CCDC87: variants seen among roughly 807,000 people sequenced by gnomAD.
The protein encoded by CCDC87 is coiled-coil domain containing 87.
For missense variants in CCDC87, 1,072 were observed against 1,041.7 expected (o/e 1.03, Z -0.40); for synonymous variants, 434 against 440.2 (o/e 0.99, Z 0.18).
rs1318657927 is a variant in CCDC87 at position 66,590,687 on chromosome 11, T to G, written c.2329A>C (p.Asn777His). 1 of 1,613,962 alleles carries G rather than the reference T, an allele frequency of 6.2e-7. No individual in the cohort carries two copies. Among genetic ancestry groups the G allele is most frequent in the Non-Finnish European group, 8.5e-7 (1 of 1,179,956 alleles). The stretch of plus-strand genomic sequence containing the variant: ...GAAACCAAAGAAGACTCCATTAAGT[T>G]GAGCTTCCTGTGGAGATGGCTTCGG... ...QVRSHLHRKL[N>H]LMESSLVSLL... is the part of the protein sequence containing the mutation. Residue 777 changes from asparagine (N) to histidine (H), a missense_variant, in exon 1 of 1, where the codon AAC (asparagine) becomes CAC (histidine). By Grantham distance (68) the Asn-to-His change is moderately conservative. Transcript: ENST00000333861.
At position 66,591,900 on chromosome 11, in the gene CCDC87, T is replaced by A; in HGVS notation, c.1116A>T (p.Pro372=). ...GAGGAGGCAGGCCTGAGTCCAGTGG[T>A]GGGTAGCGAGTCCCCTCCAACTTCA... is the stretch of plus-strand genomic sequence containing the variant. ...KKMKLEGTRY[P]PLDSGLPPLL... Residue 372 remains proline (P), a synonymous_variant, in exon 1 of 1, where the codon CCA becomes CCT. Transcript: ENST00000333861. 1 of 1,613,904 alleles carries A rather than the reference T, an allele frequency of 6.2e-7. No individual in the cohort carries two copies. Among genetic ancestry groups the A allele is most frequent in the South Asian group, 1.1e-5 (1 of 91,080 alleles).
chr11:66,591,169 T>C lies in CCDC87; in HGVS notation c.1847A>G (p.His616Arg), dbSNP rs1445102600. The change falls in exon 1 of 1, where the codon CAT (histidine) becomes CGT (arginine). Residue 616 changes from histidine (H) to arginine (R), a missense_variant. Transcript: ENST00000333861. The stretch of plus-strand genomic sequence containing the variant: ...AATCTCCACAGGAACCTCTTCTTCA[T>C]GCATTTGAAAGATGACATGAAGGAA... ...TDFLHVIFQM[H>R]EEEVPVEIVA... 1.9e-6 allele frequency: 3 copies of C among 1,614,222 alleles called. No individual in the cohort carries two copies. The highest frequency in any genetic ancestry group is 3.3e-5 in the Admixed American group (2 of 60,032).
Position 66,592,110 on chromosome 11 carries a change from G to GA in CCDC87, c.905dup (p.Cys303LeufsTer3). 1 of 1,589,936 alleles carries GA rather than the reference G, an allele frequency of 6.3e-7. No individual in the cohort carries two copies. The highest frequency in any genetic ancestry group is 8.6e-7 in the Non-Finnish European group (1 of 1,168,028). ...ATTGGCCTCTCCGGAGCTCAGGGCA[G>GA]AAAGGCGAGGGGGAAGCCCTGCTGG... On this transcript the variant is annotated frameshift_variant, in exon 1 of 1. Transcript: ENST00000333861. LOFTEE classifies it low-confidence loss of function (END_TRUNC).
chr11:66,592,786 G>A lies in CCDC87; in HGVS notation c.230C>T (p.Pro77Leu), dbSNP rs951298348. 110 of 1,610,750 alleles carry A rather than the reference G, an allele frequency of 6.8e-5. No homozygotes were observed. Among genetic ancestry groups the A allele is most frequent in the Non-Finnish European group, 8.7e-5 (102 of 1,178,584 alleles). ...AGSGIAAGVP[P>L]EARLRLIKVI... ...CTTGATGAGACGTAGTCGGGCCTCAGGAGGCACTCCCGCTGCTATCCCGCT... is the reference window on the plus strand; with the variant it reads ...CTTGATGAGACGTAGTCGGGCCTCAAGAGGCACTCCCGCTGCTATCCCGCT... Residue 77 changes from proline to leucine, a missense_variant, in exon 1 of 1, where the codon CCT becomes CTT. Transcript: ENST00000333861.
chr11:66,591,329 T>C lies in CCDC87; in HGVS notation c.1687A>G (p.Met563Val), dbSNP rs1194524981. The C allele has an allele frequency of 6.2e-7, 1 of 1,614,126 alleles. No individual in the cohort carries two copies. Among genetic ancestry groups the C allele is most frequent in the Admixed American group, 1.7e-5 (1 of 60,016 alleles). ...GCTTGGAGTGATGGGAGGGAGGGCA[T>C]CTTCTTAGTATTGGACTGTAAAGTG... ...ANTLQSNTKK[M>V]PSLPSLQATK... Residue 563 changes from methionine to valine, a missense_variant, in exon 1 of 1, where the codon ATG (methionine) becomes GTG (valine). Met to Val is a conservative substitution (Grantham distance 21). Transcript: ENST00000333861.
chr11:66,592,948 G>A lies in CCDC87; in HGVS notation c.68C>T (p.Ser23Leu), dbSNP rs763055203. The change falls in exon 1 of 1, where the codon TCG becomes TTG. Residue 23 changes from serine (S) to leucine (L), a missense_variant. Transcript: ENST00000333861. ...GGACGTCGTCCTAGTGGGGAAGAGC[G>A]ACAGCGGACGCAGCAGCCGGTGGTA... is the stretch of plus-strand genomic sequence containing the variant. ...RFYHRLLRPL[S>L]LFPTRTTSPE... 14 of 1,518,584 alleles carry A rather than the reference G, an allele frequency of 9.2e-6. No individual in the cohort carries two copies. Among genetic ancestry groups the A allele is most frequent in the Non-Finnish European group, 1.1e-5 (12 of 1,136,060 alleles). The allele number at this position is 1,518,584 out of a possible 1,614,324, so 94.1% of individuals were successfully genotyped here.
In CCDC87 at chr11:66,591,584, T is replaced by C. The variant is rs1431014502; in HGVS notation, c.1432A>G (p.Ile478Val). 1 of 1,614,158 alleles carries C rather than the reference T, an allele frequency of 6.2e-7. No homozygotes were observed. Residue 478 changes from isoleucine to valine, a missense_variant, in exon 1 of 1, where the codon ATT (isoleucine) becomes GTT (valine). Ile to Val is a conservative substitution (Grantham distance 29). Transcript: ENST00000333861. ...HLAGELDPKA[I>V]EKMDIDNFVG... The stretch of plus-strand genomic sequence containing the variant: ...AAGTTATCAATATCCATTTTTTCAA[T>C]GGCTTTGGGATCCAGTTCACCAGCC...
Position 66,590,638 on chromosome 11 carries a change from ATTAAC to A in CCDC87, c.2373_2377del (p.Glu791AspfsTer20). 1.9e-6 allele frequency: 3 copies of A among 1,614,176 alleles called. No homozygotes were observed. The highest frequency in any genetic ancestry group is 1.7e-6 in the Non-Finnish European group (2 of 1,180,040). On this transcript the variant is annotated frameshift_variant, in exon 1 of 1. Coordinates refer to ENST00000333861, the MANE Select transcript of CCDC87 (RefSeq NM_018219.3). LOFTEE classifies it low-confidence loss of function (END_TRUNC). Reference sequence around the variant, plus strand: ...CTTGAAGATCACTGGCTCGCCAAAGATTAACTCTATCTCCTCCAGGAGGGAAACCA... The same window carrying A: ...CTTGAAGATCACTGGCTCGCCAAAGATCTATCTCCTCCAGGAGGGAAACCA...
In CCDC87 at chr11:66,591,100, G is replaced by A; in HGVS notation, c.1916C>T (p.Pro639Leu). 6.2e-7 allele frequency: 1 copy of A among 1,614,128 alleles called. No homozygotes were observed. Among genetic ancestry groups the A allele is most frequent in the Non-Finnish European group, 8.5e-7 (1 of 1,180,028 alleles). ...GTCTGGTTCTTCATCTTCTAGCAAT[G>A]GGGGAGGGTGCTGAATCTCTAGGGA... is the stretch of plus-strand genomic sequence containing the variant. ...RESLEIQHPP[P>L]LLEDEEPDFV... The change falls in exon 1 of 1, where the codon CCA becomes CTA. Residue 639 changes from proline to leucine, a missense_variant. By Grantham distance (98) the Pro-to-Leu change is moderately conservative. Transcript: ENST00000333861.
At position 66,590,601 on chromosome 11, in the gene CCDC87, G is replaced by A. The variant is rs1487912686; in HGVS notation, c.2415C>T (p.Tyr805=). The A allele has an allele frequency of 1.2e-6, 2 of 1,614,210 alleles. No homozygotes were observed. The highest frequency in any genetic ancestry group is 1.7e-6 in the Non-Finnish European group (2 of 1,180,044). Residue 805 remains tyrosine, a synonymous_variant, in exon 1 of 1, where the codon TAC becomes TAT. Transcript: ENST00000333861. ...GEPVIFKGRP[Y]LDKMKSDKVE... Reference sequence around the variant, plus strand: ...CTTTGTCACTCTTCATCTTGTCCAGGTAGGGCCGCCCCTTGAAGATCACTG... The same window carrying A: ...CTTTGTCACTCTTCATCTTGTCCAGATAGGGCCGCCCCTTGAAGATCACTG...
rs773793192 is a variant in CCDC87, at chr11:66,591,745, A to C, written c.1271T>G (p.Leu424Arg). 6 of 1,613,650 alleles carry C rather than the reference A, an allele frequency of 3.7e-6. 1 individual carries two copies. The highest frequency in any genetic ancestry group is 3.3e-5 in the Admixed American group (2 of 60,010). ...WDPQPPKSFP[L>R]HPQPVTITLK... The stretch of plus-strand genomic sequence containing the variant: ...AGTAATGGTCACTGGCTGTGGGTGA[A>C]GTGGAAAGGATTTGGGGGGCTGGGG... Residue 424 changes from leucine (L) to arginine (R), a missense_variant, in exon 1 of 1, where the codon CTT becomes CGT. Physicochemically the swap from Leu to Arg is moderately radical, Grantham distance 102 (BLOSUM62 -2). Coordinates refer to ENST00000333861, the MANE Select transcript of CCDC87 (RefSeq NM_018219.3).
Position 66,592,735 on chromosome 11 carries a change from C to A in CCDC87, c.281G>T (p.Ser94Ile), listed in dbSNP as rs150176794. 4.2e-4 allele frequency: 675 copies of A among 1,613,968 alleles called. 6 individuals are homozygous for A. The East Asian group carries it at 0.012, about 30-fold the overall frequency. Residue 94 changes from serine (S) to isoleucine (I), a missense_variant, in exon 1 of 1, where the codon AGC (serine) becomes ATC (isoleucine). By Grantham distance (142) the Ser-to-Ile change is moderately radical. Coordinates refer to ENST00000333861, the MANE Select transcript of CCDC87 (RefSeq NM_018219.3). The part of the protein sequence containing the change: ...IKVILDELKC[S>I]WREPPAELSL... ...AAGTTCGGCGGGCGGCTCCCGCCAGCTGCACTTCAGCTCGTCCAGGATGAC... is the reference window on the plus strand; with the variant it reads ...AAGTTCGGCGGGCGGCTCCCGCCAGATGCACTTCAGCTCGTCCAGGATGAC...
rs760829152 is a variant in CCDC87, at chr11:66,592,309, G to A, written c.707C>T (p.Pro236Leu). The change falls in exon 1 of 1, where the codon CCA (proline) becomes CTA (leucine). Residue 236 changes from proline to leucine, a missense_variant. Transcript: ENST00000333861. ...NLNYLIQLSR[P>L]PEFLNEPGRM... ...TCCTGGCTCATTGAGAAACTCTGGT[G>A]GACGGCTGAGTTGGATGAGGTAGTT... 6.2e-7 allele frequency: 1 copy of A among 1,614,214 alleles called. No homozygotes were observed. Among genetic ancestry groups the A allele is most frequent in the Admixed American group, 1.7e-5 (1 of 60,026 alleles).
chr11:66,592,128 C>T lies in CCDC87; in HGVS notation c.888G>A (p.Arg296=), dbSNP rs777588203. The part of the protein sequence containing the change: ...LPSYPVAPTS[R]ASPSPFCPEL... ...CAGGGCAGAAAGGCGAGGGGGAAGC[C>T]CTGCTGGTGGGGGCCACAGGATAGC... Residue 296 remains arginine, a synonymous_variant, in exon 1 of 1, where the codon AGG becomes AGA. Coordinates refer to ENST00000333861, the MANE Select transcript of CCDC87 (RefSeq NM_018219.3). 3 of 1,584,698 alleles carry T rather than the reference C, an allele frequency of 1.9e-6. No homozygotes were observed. The Admixed American group carries it at 5.3e-5, about 28-fold the overall frequency.
Position 66,590,728 on chromosome 11 carries a change from A to AG in CCDC87, c.2287dup (p.Leu763ProfsTer50). ...ATGGCTTCGGACCTGATTCTCCTCC[A>AG]GGAAGTGACTGGAGCTCAAGTTGGT... On this transcript the variant is annotated frameshift_variant, in exon 1 of 1. Transcript: ENST00000333861. LOFTEE classifies it low-confidence loss of function (END_TRUNC). 1.9e-6 allele frequency: 3 copies of AG among 1,613,748 alleles called. No individual in the cohort carries two copies. The highest frequency in any genetic ancestry group is 2.5e-6 in the Non-Finnish European group (3 of 1,180,046).
chr11:66,590,904 T>C lies in CCDC87; in HGVS notation c.2112A>G (p.Lys704=). 6.2e-7 allele frequency: 1 copy of C among 1,613,692 alleles called. No homozygotes were observed. Among genetic ancestry groups the C allele is most frequent in the Non-Finnish European group, 8.5e-7 (1 of 1,180,052 alleles). Residue 704 remains lysine, a synonymous_variant, in exon 1 of 1, where the codon AAA becomes AAG. Coordinates refer to ENST00000333861, the MANE Select transcript of CCDC87 (RefSeq NM_018219.3). ...PDKDQVDMTI[K]YSSKARLRQL... ...GCCTCAGGCGGGCTTTGGAGCTATA[T>C]TTAATGGTCATGTCCACCTGGTCCT...
chr11:66,591,718 AAAGT>A lies in CCDC87; in HGVS notation c.1294_1297del (p.Thr432Ter), dbSNP rs1858363163. 6.2e-7 allele frequency: 1 copy of A among 1,613,634 alleles called. No individual in the cohort carries two copies. The highest frequency in any genetic ancestry group is 1.3e-5 in the African/African-American group (1 of 74,906). Reference sequence around the variant, plus strand: ...GACCACGACCTCATTTCTAAGCTTCAAAGTAATGGTCACTGGCTGTGGGTGAAGT... The same window carrying A: ...GACCACGACCTCATTTCTAAGCTTCAAATGGTCACTGGCTGTGGGTGAAGT... On this transcript the variant is annotated frameshift_variant, in exon 1 of 1. Coordinates refer to ENST00000333861, the MANE Select transcript of CCDC87 (RefSeq NM_018219.3). LOFTEE classifies it low-confidence loss of function (END_TRUNC).
rs80219769 is a variant in CCDC87 at position 66,591,831 on chromosome 11, C to T, written c.1185G>A (p.Leu395=). The T allele has an allele frequency of 1.9e-3, 3,104 of 1,613,352 alleles. 63 individuals carry two copies. In the African/African-American group the frequency reaches 0.037, roughly 19 times the overall value. The change falls in exon 1 of 1, where the codon CTG becomes CTA. Residue 395 remains leucine (L), a synonymous_variant. Transcript: ENST00000333861. ...VTRHPAAGHR[L]EELEKMLRNL... Reference sequence around the variant, plus strand: ...TCCTCAACATCTTCTCCAGCTCCTCCAGGCGATGCCCTGCAGCTGGGTGAC... The same window carrying T: ...TCCTCAACATCTTCTCCAGCTCCTCTAGGCGATGCCCTGCAGCTGGGTGAC...
Position 66,591,036 on chromosome 11 carries a change from C to A in CCDC87, c.1980G>T (p.Glu660Asp), listed in dbSNP as rs1158971304. 1.2e-6 allele frequency: 2 copies of A among 1,614,146 alleles called. No homozygotes were observed. Among genetic ancestry groups the A allele is most frequent in the Admixed American group, 3.3e-5 (2 of 60,038 alleles). ...GTGTCTTCCCAGCTCCTAGCCTGTG[C>A]TCTAGCACAGTGTTCCAATCCCACT... ...PGEWDWNTVL[E>D]HRLGAGKTPH... The change falls in exon 1 of 1, where the codon GAG (glutamate) becomes GAT (aspartate). Residue 660 changes from glutamate (E) to aspartate (D), a missense_variant. By Grantham distance (45) the Glu-to-Asp change is conservative (BLOSUM62 2). Transcript: ENST00000333861.
Sources: gnomAD v4.1 joint callset for allele counts on GRCh38, gnomAD v4.1.1 for gene constraint, MANE v1.5 for transcripts, NCBI Gene and HGNC (gene_info 2026-07-23, HGNC 2026-07-21) for gene names.